The following SMTN variants were observed in gnomAD, a reference collection of about 807,000 sequenced individuals.
The protein encoded by SMTN is smoothelin.
SMTN carries 58 observed loss-of-function variants against 102.0 expected under a neutral mutation model. The ratio of observed to expected loss-of-function variants is 0.57; its 90% CI spans 0.46 to 0.71. The LOEUF is 0.71. Among genes scored for constraint, SMTN ranks in the 30% least tolerant of loss-of-function variants. SMTN has a pLI of 0.00. For missense variants in SMTN, 1,185 were observed against 1,241.7 expected (o/e 0.95, Z 0.69); for synonymous variants, 478 against 497.9 (o/e 0.96, Z 0.53).
upstream of SMTN, among the ~76,000 whole-genome samples, chr22:31,078,293 T>C (rs1194750715): frequency 6.6e-6 from 1 of 152,158 alleles, no homozygotes; most frequent in Non-Finnish European, 1.5e-5. Flanking sequence ...CAGGGTGACT[T>C]AGGGATGCAA....
At chr22:31,090,224 TC>T in intron 8 of SMTN, 44 bp downstream of exon 8, 2 of 1,462,760 alleles carry the variant, frequency 1.4e-6, no homozygotes, top group Admixed American at 2.1e-5. Context: ...TTTCTTCCCC[TC>T]CCCCTGCCTC....
chr22:31,094,559 G>A lies in SMTN; in HGVS notation c.1633-744G>A, dbSNP rs114969072. Among the ~76,000 whole-genome samples the A allele has an allele frequency of 1.0e-2, 1,520 of 152,276 alleles. 38 individuals are homozygous for A. Among genetic ancestry groups the A allele is most frequent in the African/African-American group, 0.035 (1,473 of 41,548 alleles). On this transcript the variant is annotated intron_variant, in intron 11 of 20. Transcript: ENST00000333137. ...GAACAAAGCAGCAAAATGAACTAAG[G>A]TTCAGGAGTTAGGCTGCCTTCAGCT...
intron 11 of SMTN, chr22:31,093,798 C>A (rs376138812): frequency 1.3e-6 from 2 of 1,593,334 alleles, no homozygotes; most frequent in Admixed American, 3.4e-5. Context: ...CCGAGGATGC[C>A]GGGACCCCCG....
chr22:31,093,408 C>T, intron 11 of SMTN: 1 of 442,304 alleles, frequency 2.3e-6, no homozygotes. Context: ...GCCCCTGCCA[C>T]TGCCCCACCA....
upstream of SMTN, among the ~76,000 whole-genome samples, chr22:31,081,058 C>A (rs1033169449): frequency 3.1e-4 from 47 of 152,228 alleles, 1 homozygote; most frequent in Middle Eastern, 3.4e-3. Flanking sequence ...GGCGCCCCCC[C>A]CGACTTGGCG....
At position 31,104,383 on chromosome 22, in the gene SMTN, C is replaced by G; in HGVS notation, c.*88C>G. 1 of 1,614,136 alleles carries G rather than the reference C, an allele frequency of 6.2e-7. No individual in the cohort carries two copies. The highest frequency in any genetic ancestry group is 8.5e-7 in the Non-Finnish European group (1 of 1,179,996). On this transcript the variant is annotated 3_prime_UTR_variant, in exon 21 of 21. Transcript: ENST00000333137. The stretch of plus-strand genomic sequence containing the variant: ...GATGATCATGGGCAAGAAGCCTGAC[C>G]CCAAGTGTGTCTTCACCTATGTGCA...
intron 3 of SMTN, 125 bp from the exon 4 acceptor site, chr22:31,088,388 G>A: frequency 1.2e-6 from 1 of 853,514 alleles, no homozygotes; most frequent in Non-Finnish European, 1.9e-6. Context: ...TGCAGTTAGA[G>A]GGTGTGCACA....
intron 1 of SMTN, 151 bp from the exon 2 acceptor site, chr22:31,083,028 G>A (rs1373794661): frequency 3.6e-6 from 5 of 1,395,712 alleles, no homozygotes; most frequent in South Asian, 1.2e-5. Context: ...AACCACCCTA[G>A]GGCAGAGGGC....
At chr22:31,073,340 T>C (rs1385366119) in intron 1 of SMTN, among the ~76,000 whole-genome samples, 1 of 152,156 alleles carries the variant, frequency 6.6e-6, no homozygotes, top group African/African-American at 2.4e-5. Context: ...CTGTAACCTG[T>C]TTCCTTTTCC....
intron 14 of SMTN, 21 bp downstream of exon 14, chr22:31,096,918 G>C: frequency 6.2e-7 from 1 of 1,607,006 alleles, no homozygotes; most frequent in South Asian, 1.1e-5. Flanking sequence ...AAATGGGGCC[G>C]GCCCAGGGCT....
chr22:31,069,550 G>A (rs1234564286), intron 1 of SMTN, among the ~76,000 whole-genome samples: 1 of 152,218 alleles, frequency 6.6e-6, no homozygotes, highest in African/African-American at 2.4e-5. Flanking sequence ...TGGCCAGCTG[G>A]CCTGGGTGCG....
In SMTN at chr22:31,089,900, T is replaced by G. The variant is rs746314095; in HGVS notation, c.673T>G (p.Cys225Gly). The change falls in exon 7 of 21, where the codon TGC (cysteine) becomes GGC (glycine). Residue 225 changes from cysteine to glycine, a missense_variant. Cys to Gly is a radical substitution (Grantham distance 159). This residue lies in a region of SMTN where 1,096 missense variants were observed against 1,112.7 expected (regional missense o/e 0.98). Coordinates refer to ENST00000333137, the MANE Select transcript of SMTN (RefSeq NM_134269.3). ...TCCATTGGAGCCTGCCGAGGCCCAGTGCCTTACAGCTGAGGTTCCAGGCAG... is the reference window on the plus strand; with the variant it reads ...TCCATTGGAGCCTGCCGAGGCCCAGGGCCTTACAGCTGAGGTTCCAGGCAG... ...EPPLEPAEAQ[C>G]LTAEVPGSPE... 3.6e-5 allele frequency: 58 copies of G among 1,613,210 alleles called. No homozygotes were observed. The highest frequency in any genetic ancestry group is 4.9e-5 in the Non-Finnish European group (58 of 1,179,644).
Position 31,104,445 on chromosome 22 carries a change from C to A in SMTN, c.*150C>A. On this transcript the variant is annotated 3_prime_UTR_variant, in exon 21 of 21. Transcript: ENST00000333137. Reference sequence around the variant, plus strand: ...ACCACCTGCGACGCCACGAACTGCGCCTGCGCGGCAAGAATGTCTAGCCTG... The same window carrying A: ...ACCACCTGCGACGCCACGAACTGCGACTGCGCGGCAAGAATGTCTAGCCTG... 1 of 1,613,972 alleles carries A rather than the reference C, an allele frequency of 6.2e-7. No homozygotes were observed. The highest frequency in any genetic ancestry group is 8.5e-7 in the Non-Finnish European group (1 of 1,180,028).
chr22:31,096,175 GTCTCTA>G (rs2043566461), intron 13 of SMTN: 1 of 168,442 alleles, frequency 5.9e-6, no homozygotes, highest in Admixed American at 5.6e-5. Context: ...GGCCACCCCA[GTCTCTA>G]TCTCTACCCA....
Position 31,088,753 on chromosome 22 carries a change from C to A in SMTN, c.349C>A (p.Arg117Ser), listed in dbSNP as rs1295587771. The stretch of plus-strand genomic sequence containing the variant: ...CAAGCTGATCCGAGCTGCCATCCGC[C>A]GTGTACGGGCTCAGGAGATTGAGGG... Reference protein sequence around the residue: ...ERKLIRAAIRRVRAQEIEAAT... With the variant: ...ERKLIRAAIRSVRAQEIEAAT... The change falls in exon 5 of 21, where the codon CGT (arginine) becomes AGT (serine). Residue 117 changes from arginine to serine, a missense_variant. Arg to Ser is a moderately radical substitution (Grantham distance 110). Transcript: ENST00000333137. 1 of 1,613,000 alleles carries A rather than the reference C, an allele frequency of 6.2e-7. No homozygotes were observed. Among genetic ancestry groups the A allele is most frequent in the Admixed American group, 1.7e-5 (1 of 59,788 alleles).
chr22:31,085,079 G>A (rs1009531254), intron 2 of SMTN: 20 of 1,533,898 alleles, frequency 1.3e-5, no homozygotes, highest in Admixed American at 3.9e-5. Context: ...GGGGATGGGA[G>A]GAATGGGGAC....
upstream of SMTN, chr22:31,081,171 C>CG (rs2147529450): frequency 6.6e-6 from 1 of 152,042 alleles, no homozygotes; most frequent in East Asian, 1.9e-4. Flanking sequence ...CCGCGAGGGG[C>CG]GGGGCCTTCC....
intron 2 of SMTN, among the ~76,000 whole-genome samples, chr22:31,086,142 C>T (rs941738797): frequency 1.2e-4 from 18 of 152,204 alleles, no homozygotes; most frequent in Admixed American, 7.2e-4. Flanking sequence ...TCATTCCCCC[C>T]GCCTCTGCTA....
intron 8 of SMTN, 31 bp downstream of exon 8, chr22:31,090,211 A>G: frequency 6.4e-7 from 1 of 1,556,388 alleles, no homozygotes; most frequent in Non-Finnish European, 8.7e-7. Flanking sequence ...AGTCACAGGC[A>G]TCTTTCTTCC....
Sources: gnomAD v4.1 joint callset for allele counts (sites outside exome capture counted in the v4.1 genomes callset) on GRCh38, gnomAD v4.1.1 for gene constraint, gnomAD v4.1.1 regional missense constraint, MANE v1.5 for transcripts, NCBI Gene and HGNC (gene_info 2026-07-23, HGNC 2026-07-21) for gene names.